The following ERBB4 variants were observed in gnomAD, a reference collection of about 807,000 sequenced individuals.
ERBB4 encodes the protein erb-b2 receptor tyrosine kinase 4, also known as receptor tyrosine-protein kinase erbB-4.
A neutral mutation model predicts 158.0 loss-of-function variants in ERBB4; 42 were observed. That is an observed-to-expected ratio of 0.27 (90% CI 0.21 to 0.34). ERBB4 has a LOEUF of 0.34. Among genes scored for constraint, ERBB4 ranks in the 10% least tolerant of loss-of-function variants. The pLI is 1.00. For missense variants in ERBB4, 1,333 were observed against 1,624.1 expected, an observed-to-expected ratio of 0.82 and a Z score of 3.08; for synonymous variants, 583 against 558.7, an observed-to-expected ratio of 1.04 and a Z score of -0.61.
chr2:211,519,541 A>G (rs2066133495), intron 20 of ERBB4, among the ~76,000 whole-genome samples: 1 of 152,180 alleles, frequency 6.6e-6, no homozygotes, highest in South Asian at 2.1e-4. Flanking sequence ...TTTCTCAAAA[A>G]GCAAAAGTGG....
intron 20 of ERBB4, among the ~76,000 whole-genome samples, chr2:211,452,817 G>T (rs896044350): frequency 6.6e-6 from 1 of 152,132 alleles, no homozygotes; most frequent in East Asian, 1.9e-4. Flanking sequence ...TCAGTGTCAT[G>T]TTAAATAATT....
intron 1 of ERBB4, among the ~76,000 whole-genome samples, chr2:212,294,979 C>T (rs907727974): frequency 2.6e-5 from 4 of 151,980 alleles, no homozygotes; most frequent in East Asian, 1.9e-4. Flanking sequence ...CTGGGTCATA[C>T]GTGGTAATAT....
At chr2:211,677,978 T>TA (rs2072153201) in intron 13 of ERBB4, among the ~76,000 whole-genome samples, 2 of 152,134 alleles carry the variant, frequency 1.3e-5, no homozygotes, top group African/African-American at 2.4e-5. Flanking sequence ...AAATACATTA[T>TA]AACATTGATG....
At chr2:212,408,141 T>A (rs1253506692) in intron 1 of ERBB4, among the ~76,000 whole-genome samples, 1 of 152,074 alleles carries the variant, frequency 6.6e-6, no homozygotes, top group African/African-American at 2.4e-5. Context: ...GTTTGTTACA[T>A]AGGTAAATGT....
intron 1 of ERBB4, among the ~76,000 whole-genome samples, chr2:212,453,615 T>C (rs2106032466): frequency 6.6e-6 from 1 of 152,330 alleles, no homozygotes; most frequent in South Asian, 2.1e-4. Flanking sequence ...CACCTCTTTG[T>C]ATAGCAAACG....
At chr2:212,413,765 T>G (rs1232422472) in intron 1 of ERBB4, among the ~76,000 whole-genome samples, 2 of 152,186 alleles carry the variant, frequency 1.3e-5, no homozygotes, top group Non-Finnish European at 2.9e-5. Flanking sequence ...GTATTTATTT[T>G]TATATGACAT....
At chr2:212,188,683 G>C (rs1332914152) in intron 1 of ERBB4, among the ~76,000 whole-genome samples, 1 of 151,448 alleles carries the variant, frequency 6.6e-6, no homozygotes, top group African/African-American at 2.4e-5. Context: ...CTTTTACCTG[G>C]AACAAGCTTT....
chr2:211,990,523 A>AAATAAATAAAT (rs1559262650), intron 2 of ERBB4, among the ~76,000 whole-genome samples: 23 of 134,442 alleles, frequency 1.7e-4, no homozygotes, highest in African/African-American at 4.6e-4. Context: ...AATAAAAATA[A>AAATAAATAAAT]AAATAAATAA....
intron 3 of ERBB4, among the ~76,000 whole-genome samples, chr2:211,926,031 T>A (rs1041018497): frequency 6.6e-5 from 10 of 152,076 alleles, no homozygotes; most frequent in Non-Finnish European, 1.3e-4. Flanking sequence ...AAAATTGTGA[T>A]CTTTTGCGGA....
chr2:211,616,012 G>A (rs1396124004), intron 19 of ERBB4, among the ~76,000 whole-genome samples: 2 of 152,116 alleles, frequency 1.3e-5, no homozygotes, highest in Non-Finnish European at 1.5e-5. Context: ...CATGGTTGCA[G>A]CAGATCTTAT....
At chr2:211,645,343 T>G (rs1339829415) in intron 16 of ERBB4, among the ~76,000 whole-genome samples, 4 of 151,700 alleles carry the variant, frequency 2.6e-5, no homozygotes, top group Non-Finnish European at 5.9e-5. Context: ...GATTAGGCAT[T>G]GCTATGACTA....
At chr2:212,010,878 C>T (rs941269993) in intron 2 of ERBB4, among the ~76,000 whole-genome samples, 1 of 152,018 alleles carries the variant, frequency 6.6e-6, no homozygotes, top group Non-Finnish European at 1.5e-5. Flanking sequence ...ATTAATATTC[C>T]TTGCTAGGAA....
intron 19 of ERBB4, among the ~76,000 whole-genome samples, chr2:211,577,976 G>T (rs547005653): frequency 1.3e-5 from 2 of 152,248 alleles, no homozygotes; most frequent in Non-Finnish European, 1.5e-5. Context: ...TCAGGCAAGA[G>T]AAAGAAATAC....
intron 20 of ERBB4, among the ~76,000 whole-genome samples, chr2:211,450,493 G>A (rs1038253787): frequency 3.9e-5 from 6 of 152,120 alleles, no homozygotes; most frequent in Non-Finnish European, 7.4e-5. Flanking sequence ...ATGGCAGCCC[G>A]GACCAGGGTG....
At chr2:211,433,801 C>G (rs927651735) in intron 20 of ERBB4, among the ~76,000 whole-genome samples, 7 of 152,066 alleles carry the variant, frequency 4.6e-5, no homozygotes, top group African/African-American at 7.2e-5. Flanking sequence ...AGTCCCCACA[C>G]TGGGCGGGGG....
chr2:211,877,511 T>C (rs113622030), intron 3 of ERBB4, among the ~76,000 whole-genome samples: 2 of 152,204 alleles, frequency 1.3e-5, no homozygotes, highest in Non-Finnish European at 1.5e-5. Context: ...TCAAGCATAC[T>C]TTCGGGGTTT....
At chr2:212,093,257 G>T (rs2125497879) in intron 2 of ERBB4, among the ~76,000 whole-genome samples, 1 of 152,280 alleles carries the variant, frequency 6.6e-6, no homozygotes, top group African/African-American at 2.4e-5. Flanking sequence ...ACTTAACCTT[G>T]TGCTATGTGC....
chr2:211,713,735 A>C, intron 7 of ERBB4, 87 bp from the exon 8 acceptor site: 2 of 776,594 alleles, frequency 2.6e-6, no homozygotes, highest in South Asian at 1.5e-5. Context: ...AGGGTTTAAA[A>C]ATGATTAGCA....
intron 1 of ERBB4, among the ~76,000 whole-genome samples, chr2:212,494,721 A>C (rs1266024608): frequency 1.3e-5 from 2 of 152,148 alleles, no homozygotes; most frequent in Non-Finnish European, 2.9e-5. Flanking sequence ...CCTTAAAAAA[A>C]TCCACATGCC....
Sources: allele counts gnomAD v4.1 joint callset (sites outside exome capture counted in the v4.1 genomes callset), GRCh38; gene constraint gnomAD v4.1.1; transcripts MANE v1.5; gene names NCBI Gene and HGNC (gene_info 2026-07-23, HGNC 2026-07-21).